Variants in IL17REL observed in about 807,000 individuals in gnomAD.
The protein encoded by IL17REL is interleukin 17 receptor E like.
In IL17REL, 36 loss-of-function variants were observed where a neutral mutation model predicts 49.0. The observed-to-expected ratio is 0.73, with a 90% CI of 0.56 to 0.97. IL17REL has a LOEUF of 0.97. Among genes scored for constraint, IL17REL ranks in the 50% least tolerant of loss-of-function variants. The pLI, the probability that IL17REL is intolerant of heterozygous loss-of-function variation, is 0.00. For synonymous variants in IL17REL, 206 were observed against 192.4 expected (o/e 1.07, Z -0.58); for missense variants, 470 against 453.9 (o/e 1.04, Z -0.32).
At chr22:49,994,981 C>G (rs1055940110) in exon 13 of IL17REL, 2 of 152,454 alleles carry the variant, frequency 1.3e-5, no homozygotes, top group Non-Finnish European at 2.9e-5. Flanking sequence ...AGTGACTGAC[C>G]GTTGCTGGGT....
At chr22:49,999,327 C>T in exon 7 of IL17REL, 1 of 1,613,004 alleles carries the variant, frequency 6.2e-7, no homozygotes, top group South Asian at 1.1e-5. Flanking sequence ...CGCACCGCGT[C>T]AGGGGTCGCA....
chr22:49,994,253 T>A (rs1029659093), downstream of IL17REL, among the ~76,000 whole-genome samples: 2 of 151,990 alleles, frequency 1.3e-5, no homozygotes, highest in African/African-American at 4.8e-5. Context: ...ATCCCCAGGG[T>A]GTCTCCACCA....
At chr22:50,010,452 C>T (rs2061133215), upstream of IL17REL, among the ~76,000 whole-genome samples, 2 of 152,248 alleles carry the variant, frequency 1.3e-5, no homozygotes, top group Non-Finnish European at 2.9e-5. Flanking sequence ...CCAGTGAGGC[C>T]GCCTGTGTGG....
chr22:49,997,454 T>G (rs780773816), intron 10 of IL17REL: 1 of 1,589,040 alleles, frequency 6.3e-7, no homozygotes, highest in South Asian at 1.1e-5. Context: ...TGGCCCTTTG[T>G]GGGCGAAGGC....
intron 1 of IL17REL, among the ~76,000 whole-genome samples, chr22:50,003,391 C>T (rs78699521): frequency 2.0e-5 from 3 of 151,966 alleles, no homozygotes; most frequent in Non-Finnish European, 2.9e-5. Flanking sequence ...TGTGGTGGCT[C>T]ACGCCTGTAA....
chr22:50,010,047 G>GACCCC (rs2061130528), upstream of IL17REL, among the ~76,000 whole-genome samples: 1 of 124,094 alleles, frequency 8.1e-6, no homozygotes, highest in South Asian at 2.8e-4. Context: ...TCCAGCGCAG[G>GACCCC]ACCCCACCCT....
At chr22:50,008,648 C>G (rs1370522019) in exon 1 of IL17REL, 1 of 152,348 alleles carries the variant, frequency 6.6e-6, no homozygotes, top group Non-Finnish European at 1.5e-5. Flanking sequence ...GTTCCTGTGG[C>G]TCCTGCAGGC....
intron 1 of IL17REL, among the ~76,000 whole-genome samples, chr22:50,002,033 G>A (rs905357897): frequency 6.6e-6 from 1 of 152,244 alleles, no homozygotes; most frequent in African/African-American, 2.4e-5. Context: ...TGGGGGTGAA[G>A]GGAGAAGCAA....
At chr22:50,001,142 A>G (rs1464378334) in exon 2 of IL17REL, 8 of 1,607,176 alleles carry the variant, frequency 5.0e-6, no homozygotes, top group East Asian at 2.2e-5. Flanking sequence ...GAGGGGACAC[A>G]CTGCATGGCA....
intron 1 of IL17REL, among the ~76,000 whole-genome samples, chr22:50,005,560 G>A (rs758928847): frequency 1.2e-4 from 18 of 152,120 alleles, no homozygotes; most frequent in Non-Finnish European, 2.4e-4. Context: ...CCAGCACTTC[G>A]GGAGGTCGAG....
intron 1 of IL17REL, among the ~76,000 whole-genome samples, chr22:50,007,834 T>G (rs2061118363): frequency 7.4e-6 from 1 of 134,772 alleles, no homozygotes; most frequent in Non-Finnish European, 1.6e-5. Flanking sequence ...TCTATTTTTC[T>G]GTTAAATTCA....
In IL17REL at chr22:50,003,680, T is replaced by A. The variant is rs370084943; in HGVS notation, c.-41-2449A>T. On this transcript the variant is annotated intron_variant, in intron 1 of 12. Transcript: ENST00000341280. The stretch of plus-strand genomic sequence containing the variant: ...ACAAAATTCACCATCCATTCCCGAT[T>A]AAAAAGAAAAAATATCAGCAAACAG... Among the ~76,000 whole-genome samples the A allele has an allele frequency of 1.5e-3, 225 of 152,196 alleles. 1 individual carries two copies. Among genetic ancestry groups the A allele is most frequent in the African/African-American group, 5.3e-3 (219 of 41,530 alleles).
exon 13 of IL17REL, chr22:49,996,481 T>C (rs2146736849): frequency 6.5e-6 from 1 of 153,446 alleles, no homozygotes; most frequent in Non-Finnish European, 1.4e-5. Flanking sequence ...CAAAGGGACA[T>C]CCCAAGTCAC....
At chr22:50,005,419 G>A (rs539388288) in intron 1 of IL17REL, among the ~76,000 whole-genome samples, 209 of 152,274 alleles carry the variant, frequency 1.4e-3, no homozygotes, top group African/African-American at 4.9e-3. Context: ...AAGGAGCAGC[G>A]AGGAGCAGGG....
chr22:49,993,799 T>A (rs1443029342), downstream of IL17REL, among the ~76,000 whole-genome samples: 1 of 152,076 alleles, frequency 6.6e-6, no homozygotes, highest in Non-Finnish European at 1.5e-5. The surrounding 1 kb of genome is among the most constrained non-coding windows in gnomAD (Gnocchi z 6.0). Context: ...TGGCCAGGAT[T>A]CCCGGAGTAG....
intron 1 of IL17REL, among the ~76,000 whole-genome samples, chr22:50,001,754 T>C (rs913519661): frequency 2.0e-5 from 3 of 152,180 alleles, no homozygotes; most frequent in Non-Finnish European, 4.4e-5. Context: ...TCACCAGACG[T>C]GGGCAGTGTG....
intron 4 of IL17REL, 30 bp downstream of exon 5, chr22:50,000,448 G>T: frequency 6.5e-7 from 1 of 1,535,476 alleles, no homozygotes; most frequent in Non-Finnish European, 9.0e-7. Flanking sequence ...CTGAACGGTA[G>T]CTGTGCTCAG....
intron 3 of IL17REL, 63 bp downstream of exon 4, chr22:50,000,691 C>T (rs1473927037): frequency 9.7e-6 from 15 of 1,539,332 alleles, no homozygotes; most frequent in East Asian, 2.3e-5. Context: ...CCAGGGATGG[C>T]GCCCAGGAGG....
chr22:49,996,891 G>T (rs2061038233), intron 12 of IL17REL, 31 bp from the exon 15 acceptor site: 4 of 631,342 alleles, frequency 6.3e-6, no homozygotes, highest in Admixed American at 6.4e-5. Context: ...CGTCAACATG[G>T]CCTCCTGCTT....
Sources: allele counts gnomAD v4.1 joint callset (sites outside exome capture counted in the v4.1 genomes callset), GRCh38; gene constraint gnomAD v4.1.1; non-coding constraint Gnocchi (gnomAD v3.1); transcripts MANE v1.5; gene names NCBI Gene and HGNC (gene_info 2026-07-23, HGNC 2026-07-21).